The following ITPR3 variants were observed in gnomAD, a reference collection of about 807,000 sequenced individuals.
ITPR3 encodes inositol 1,4,5-trisphosphate receptor type 3.
ITPR3 carries 173 observed loss-of-function variants against 293.2 expected under a neutral mutation model. The observed-to-expected ratio is 0.59, with a 90% CI of 0.52 to 0.67. The LOEUF (loss-of-function observed/expected upper bound fraction) is 0.67, where lower values mean the gene tolerates loss of function less well. Among genes scored for constraint, ITPR3 ranks in the 30% least tolerant of loss-of-function variants. The probability of loss-of-function intolerance (pLI) is 0.00; values close to 1 mark genes in which losing one functional copy is unlikely to be tolerated. For missense variants in ITPR3, 2,796 were observed against 3,592.1 expected, an observed-to-expected ratio of 0.78 and a Z score of 5.66; for synonymous variants, 1,295 against 1,444.4, an observed-to-expected ratio of 0.90 and a Z score of 2.35.
In ITPR3 at chr6:33,687,038, G is replaced by A. The variant is rs746161149; in HGVS notation, c.6009G>A (p.Leu2003=). ...ATGCCTCCAAGCTGCTCCTGGCTCT[G>A]ATGGAGAGCCGGCATGACAGTGAAA... The part of the protein sequence containing the change: ...KDNASKLLLA[L]MESRHDSENA... The change falls in exon 44 of 58, where the codon CTG becomes CTA. Residue 2003 remains leucine, a synonymous_variant. Coordinates refer to ENST00000605930, the MANE Select transcript of ITPR3 (RefSeq NM_002224.4). This position sits in a 1 kb window ranked among gnomAD's most constrained non-coding sequence, Gnocchi z 5.3. 1 of 1,614,018 alleles carries A rather than the reference G, an allele frequency of 6.2e-7. No homozygotes were observed. The highest frequency in any genetic ancestry group is 2.2e-5 in the East Asian group (1 of 44,874).
In ITPR3 at chr6:33,669,105, AGGAGGCGCGGGCC is replaced by A; in HGVS notation, c.2141_2153del (p.Glu714AlafsTer16). On this transcript the variant is annotated frameshift_variant, in exon 18 of 58. Transcript: ENST00000605930. LOFTEE classifies it high-confidence loss of function. ...GAGAAGAGTGTGAGGCAGCTGGCCCAGGAGGCGCGGGCCGGCAACGCCCACGACGAGAATGTGC... is the reference window on the plus strand; with the variant it reads ...GAGAAGAGTGTGAGGCAGCTGGCCCAGGCAACGCCCACGACGAGAATGTGC... The A allele has an allele frequency of 6.2e-7, 1 of 1,614,168 alleles. No homozygotes were observed. Among genetic ancestry groups the A allele is most frequent in the Non-Finnish European group, 8.5e-7 (1 of 1,180,020 alleles).
rs1764602148 is a variant in ITPR3, at chr6:33,666,056, G to A, written c.1551+80G>A. On this transcript the variant is annotated intron_variant, in intron 14 of 57. Coordinates refer to ENST00000605930, the MANE Select transcript of ITPR3 (RefSeq NM_002224.4). The surrounding 1 kb of genome is among the most constrained non-coding windows in gnomAD (Gnocchi z 5.1). ...GCCTTCAACTGCAGGCTCATCCCCCGCTTTAACAAAAATCAGTATATATGG... is the reference window on the plus strand; with the variant it reads ...GCCTTCAACTGCAGGCTCATCCCCCACTTTAACAAAAATCAGTATATATGG... 1.1e-5 allele frequency: 16 copies of A among 1,498,514 alleles called. No individual in the cohort carries two copies. In the South Asian group the frequency reaches 1.2e-4, roughly 12 times the overall value. The allele number at this position is 1,498,514 out of a possible 1,614,324, so 92.8% of individuals were successfully genotyped here. A position where few individuals can be genotyped will look rare whatever the true frequency, so the allele number is the denominator to read the frequency against.
intron 2 of ITPR3, among the ~76,000 whole-genome samples, chr6:33,650,107 C>T (rs1247762942): frequency 2.6e-5 from 4 of 152,230 alleles, no homozygotes; most frequent in Non-Finnish European, 4.4e-5. Context: ...GTCTTTGATG[C>T]TGCAACTCCT....
Position 33,658,073 on chromosome 6 carries a change from G to A in ITPR3, c.369+55G>A, listed in dbSNP as rs1235989146. On this transcript the variant is annotated intron_variant, in intron 4 of 57. Coordinates refer to ENST00000605930, the MANE Select transcript of ITPR3 (RefSeq NM_002224.4). The surrounding 1 kb of genome is among the most constrained non-coding windows in gnomAD (Gnocchi z 6.1). Reference sequence around the variant, plus strand: ...CCCCTCTCCCTGCCTAAGAGGCTGGGCTGGTGCTGGGTGAGGGCTGCCAGC... The same window carrying A: ...CCCCTCTCCCTGCCTAAGAGGCTGGACTGGTGCTGGGTGAGGGCTGCCAGC... The A allele has an allele frequency of 1.7e-5, 26 of 1,514,080 alleles. No individual in the cohort carries two copies. In the South Asian group the frequency reaches 2.5e-4, roughly 15 times the overall value. 93.8% of individuals were successfully genotyped at this position (1,514,080 alleles called of 1,614,324 possible). A position where few individuals can be genotyped will look rare whatever the true frequency, so the allele number is the denominator to read the frequency against.
At chr6:33,693,366 T>A (rs993518938) in intron 55 of ITPR3, among the ~76,000 whole-genome samples, 179 bp from the exon 56 acceptor site, 1 of 152,198 alleles carries the variant, frequency 6.6e-6, no homozygotes, top group Non-Finnish European at 1.5e-5. Flanking sequence ...GGGCAGGATC[T>A]CCACTAAGTG....
chr6:33,675,696 C>G lies in ITPR3; in HGVS notation c.3122C>G (p.Thr1041Arg). 6.3e-7 allele frequency: 1 copy of G among 1,599,998 alleles called. No homozygotes were observed. Among genetic ancestry groups the G allele is most frequent in the Non-Finnish European group, 8.5e-7 (1 of 1,172,172 alleles). Reference protein sequence around the residue: ...QAEAMFGVGKTSSMLEVDDEG... With the variant: ...QAEAMFGVGKRSSMLEVDDEG... ...CTGCACCCTTGTGCCCGCAGGAAGA[C>G]AAGCAGCATGCTGGAGGTGGATGAC... The change falls in exon 25 of 58, where the codon ACA becomes AGA. Residue 1041 changes from threonine (T) to arginine (R), a missense_variant. Physicochemically the swap from Thr to Arg is moderately conservative, Grantham distance 71 (BLOSUM62 -1). Transcript: ENST00000605930. This position sits in a 1 kb window ranked among gnomAD's most constrained non-coding sequence, Gnocchi z 5.0.
chr6:33,672,622 T>C lies in ITPR3; in HGVS notation c.2928+394T>C, dbSNP rs1396946489. On this transcript the variant is annotated intron_variant, in intron 22 of 57. Transcript: ENST00000605930. This position sits in a 1 kb window ranked among gnomAD's most constrained non-coding sequence, Gnocchi z 5.0. Reference sequence around the variant, plus strand: ...ACATTCTCCGGCCCCACCCTAGACCTACTGAGTCAGGAACACTGGAGAGGG... The same window carrying C: ...ACATTCTCCGGCCCCACCCTAGACCCACTGAGTCAGGAACACTGGAGAGGG... Among the ~76,000 whole-genome samples, 1 of 152,134 alleles carries C rather than the reference T, an allele frequency of 6.6e-6. No homozygotes were observed. Among genetic ancestry groups the C allele is most frequent in the Non-Finnish European group, 1.5e-5 (1 of 68,036 alleles).
rs745551337 is a variant in ITPR3, at chr6:33,668,978, C to A, written c.2011C>A (p.Arg671=). The change falls in exon 18 of 58, where the codon CGG becomes AGG. Residue 671 remains arginine (R), a synonymous_variant. Coordinates refer to ENST00000605930, the MANE Select transcript of ITPR3 (RefSeq NM_002224.4). The stretch of plus-strand genomic sequence containing the variant: ...CAGGTTGCTGGTGGTCTGCAGGCTT[C>A]GGCCCGTGAAGGAGATGGCCCAATC... ...NSDILIRTEL[R]PVKEMAQSHE... 2.9e-5 allele frequency: 47 copies of A among 1,613,200 alleles called. 2 individuals carry two copies. The South Asian group carries it at 5.2e-4, about 18-fold the overall frequency.
At chr6:33,643,920 C>T (rs1013996836) in intron 2 of ITPR3, among the ~76,000 whole-genome samples, 1 of 152,186 alleles carries the variant, frequency 6.6e-6, no homozygotes, top group African/African-American at 2.4e-5. Flanking sequence ...GGGCTGGGCG[C>T]GGTGGCTCAC....
rs567027723 is a variant in ITPR3, at chr6:33,655,951, C to G, written c.282+64C>G. ...ACCAGGAACCTGGGTACACAAGCAGCGGTGCTGCTTGTCGGAGCCAGTAGG... is the reference window on the plus strand; with the variant it reads ...ACCAGGAACCTGGGTACACAAGCAGGGGTGCTGCTTGTCGGAGCCAGTAGG... On this transcript the variant is annotated intron_variant, in intron 3 of 57. Coordinates refer to ENST00000605930, the MANE Select transcript of ITPR3 (RefSeq NM_002224.4). The surrounding 1 kb of genome is among the most constrained non-coding windows in gnomAD (Gnocchi z 4.9). The G allele has an allele frequency of 2.0e-5, 32 of 1,599,534 alleles. No homozygotes were observed. The East Asian group carries it at 7.2e-4, about 36-fold the overall frequency.
intron 55 of ITPR3, among the ~76,000 whole-genome samples, chr6:33,693,278 T>C (rs760785373): frequency 1.3e-5 from 2 of 151,086 alleles, no homozygotes; most frequent in Non-Finnish European, 2.9e-5. Context: ...CCATTCGGGC[T>C]TCCCCTGAGT....
chr6:33,642,108 C>T (rs754000438), intron 2 of ITPR3, among the ~76,000 whole-genome samples: 2 of 152,184 alleles, frequency 1.3e-5, no homozygotes, highest in African/African-American at 2.4e-5. Flanking sequence ...ATGCACAGGG[C>T]CCCTCCCCAG....
At chr6:33,641,073 G>A (rs1465847291) in intron 2 of ITPR3, among the ~76,000 whole-genome samples, 2 of 152,230 alleles carry the variant, frequency 1.3e-5, no homozygotes, top group African/African-American at 4.8e-5. Context: ...AAGCCCCTTG[G>A]TGGGAAGTTG....
chr6:33,632,683 C>T lies in ITPR3; in HGVS notation c.90-7801C>T, dbSNP rs1018209144. Reference sequence around the variant, plus strand: ...CCAGCCAGGACCCTTTCCCTGTAGCCCCATCCTCCTGCTCCCTCTGCTGTT... The same window carrying T: ...CCAGCCAGGACCCTTTCCCTGTAGCTCCATCCTCCTGCTCCCTCTGCTGTT... On this transcript the variant is annotated intron_variant, in intron 1 of 57. Transcript: ENST00000605930. The surrounding 1 kb of genome is among the most constrained non-coding windows in gnomAD (Gnocchi z 4.1). 6.6e-5 allele frequency among the ~76,000 whole-genome samples: 10 copies of T among 152,228 alleles called. No individual in the cohort carries two copies. The highest frequency in any genetic ancestry group is 1.0e-4 in the Non-Finnish European group (7 of 68,030).
chr6:33,673,704 T>G lies in ITPR3; in HGVS notation c.3042T>G (p.Pro1014=). 1 of 1,614,146 alleles carries G rather than the reference T, an allele frequency of 6.2e-7. No individual in the cohort carries two copies. The highest frequency in any genetic ancestry group is 8.5e-7 in the Non-Finnish European group (1 of 1,179,980). Residue 1014 remains proline, a synonymous_variant, in exon 23 of 58, where the codon CCT becomes CCG. Transcript: ENST00000605930. ...MQDSGADGTA[P]AFDSTTANMN... ...ACAGTGGGGCTGATGGCACAGCCCCTGCCTTCGACTCTACCAGTAAGCCCC... is the reference window on the plus strand; with the variant it reads ...ACAGTGGGGCTGATGGCACAGCCCCGGCCTTCGACTCTACCAGTAAGCCCC...
At position 33,655,677 on chromosome 6, in the gene ITPR3, G is replaced by C; in HGVS notation, c.161-89G>C. On this transcript the variant is annotated intron_variant, in intron 2 of 57. Coordinates refer to ENST00000605930, the MANE Select transcript of ITPR3 (RefSeq NM_002224.4). This position sits in a 1 kb window ranked among gnomAD's most constrained non-coding sequence, Gnocchi z 4.9. ...GAACGGGGGTGGGGAAGGGTTGGGA[G>C]AGAAGAGCTGCAGGCTGGGGTTTTC... 2 of 1,555,594 alleles carry C rather than the reference G, an allele frequency of 1.3e-6. No individual in the cohort carries two copies. Among genetic ancestry groups the C allele is most frequent in the South Asian group, 1.2e-5 (1 of 86,416 alleles).
chr6:33,691,676 G>C lies in ITPR3; in HGVS notation c.7287G>C (p.Lys2429Asn). 1 of 1,614,146 alleles carries C rather than the reference G, an allele frequency of 6.2e-7. No individual in the cohort carries two copies. The highest frequency in any genetic ancestry group is 8.5e-7 in the Non-Finnish European group (1 of 1,180,014). ...AAFVDTCSGD[K>N]MDCVSGLSVP... is the part of the protein sequence containing the mutation. ...TTGTGGACACCTGCAGTGGGGACAAGATGGACTGTGTCTCAGGGCTCTCGG... is the reference window on the plus strand; with the variant it reads ...TTGTGGACACCTGCAGTGGGGACAACATGGACTGTGTCTCAGGGCTCTCGG... Residue 2429 changes from lysine to asparagine, a missense_variant, in exon 53 of 58, where the codon AAG becomes AAC. Lys to Asn is a moderately conservative substitution (Grantham distance 94, BLOSUM62 0). Around this residue, in one of 8 missense-constraint regions of ITPR3, gnomAD observed 568 missense variants for 796.1 expected, o/e 0.71. Coordinates refer to ENST00000605930, the MANE Select transcript of ITPR3 (RefSeq NM_002224.4). The surrounding 1 kb of genome is among the most constrained non-coding windows in gnomAD (Gnocchi z 4.9).
At chr6:33,677,652 G>A in intron 28 of ITPR3, 23 bp downstream of exon 28, 2 of 1,611,256 alleles carry the variant, frequency 1.2e-6, no homozygotes, top group South Asian at 1.1e-5. Context: ...TCTGACCTCT[G>A]ACTCCCCAGG....
In ITPR3 at chr6:33,667,917, C is replaced by G. The variant is rs76184558; in HGVS notation, c.1839C>G (p.Thr613=). 6.2e-7 allele frequency: 1 copy of G among 1,614,228 alleles called. No homozygotes were observed. Among genetic ancestry groups the G allele is most frequent in the Non-Finnish European group, 8.5e-7 (1 of 1,180,036 alleles). The change falls in exon 16 of 58, where the codon ACC becomes ACG. Residue 613 remains threonine, a synonymous_variant. Coordinates refer to ENST00000605930, the MANE Select transcript of ITPR3 (RefSeq NM_002224.4). This position sits in a 1 kb window ranked among gnomAD's most constrained non-coding sequence, Gnocchi z 4.4. ...RKLLEKHITK[T]EVETFVSLVR... ...TCCTGGAAAAGCACATCACCAAGAC[C>G]GAGGTGGAGACCTTCGTCAGCCTTG... is the stretch of plus-strand genomic sequence containing the variant.
Sources: allele counts gnomAD v4.1 joint callset (sites outside exome capture counted in the v4.1 genomes callset), GRCh38; gene constraint gnomAD v4.1.1; regional missense constraint gnomAD v4.1.1; non-coding constraint Gnocchi (gnomAD v3.1); transcripts MANE v1.5; gene names NCBI Gene and HGNC (gene_info 2026-07-23, HGNC 2026-07-21).